Variants in VSNL1 observed in about 807,000 individuals in gnomAD.
The protein encoded by VSNL1 is visinin-like protein 1.
A neutral mutation model predicts 20.4 loss-of-function variants in VSNL1; 6 were observed. The observed-to-expected ratio is 0.29, with a 90% CI of 0.16 to 0.58. The LOEUF (loss-of-function observed/expected upper bound fraction) is 0.58. Among genes scored for constraint, VSNL1 ranks in the 20% least tolerant of loss-of-function variants. The pLI is 0.90. For missense variants in VSNL1, 100 were observed against 234.5 expected, an observed-to-expected ratio of 0.43 and a Z score of 3.75; for synonymous variants, 93 against 86.4, an observed-to-expected ratio of 1.08 and a Z score of -0.42.
rs1558303614 is a variant in VSNL1, at chr2:17,622,545, AAAGAAAGAAAGAAAGAAAG to A, written c.163-26862_163-26844del. 4.2e-3 allele frequency among the ~76,000 whole-genome samples: 271 copies of A among 64,988 alleles called. 4 individuals are homozygous for A. Among genetic ancestry groups the A allele is most frequent in the Middle Eastern group, 7.9e-3 (1 of 126 alleles). 42.6% of individuals were successfully genotyped at this position (64,988 alleles called of 152,430 possible). On this transcript the variant is annotated intron_variant, in intron 2 of 3. Transcript: ENST00000295156. The stretch of plus-strand genomic sequence containing the variant: ...AAAGAAAGAAAGAAAAGAAAGAAAG[AAAGAAAGAAAGAAAGAAAG>A]AAAGAAAGAAAGAAAGAAAGAAAGA...
At chr2:17,631,074 G>A (rs190710707) in intron 2 of VSNL1, among the ~76,000 whole-genome samples, 224 of 152,154 alleles carry the variant, frequency 1.5e-3, no homozygotes, top group African/African-American at 5.1e-3. Context: ...GCCACTGTGC[G>A]CAGCCCAAAA....
chr2:17,650,946 T>C (rs1666110461), intron 3 of VSNL1, among the ~76,000 whole-genome samples: 1 of 152,244 alleles, frequency 6.6e-6, no homozygotes, highest in East Asian at 1.9e-4. Flanking sequence ...ATTGAATATA[T>C]ATTTTTTCCA....
chr2:17,612,122 G>A (rs957692723), intron 2 of VSNL1, among the ~76,000 whole-genome samples: 4 of 152,216 alleles, frequency 2.6e-5, no homozygotes, highest in African/African-American at 9.6e-5. Flanking sequence ...TGAGAATGAG[G>A]AGAGGGATAG....
chr2:17,626,398 AGGAGTAG>A (rs1419068661), intron 2 of VSNL1, among the ~76,000 whole-genome samples: 4 of 152,208 alleles, frequency 2.6e-5, no homozygotes, highest in South Asian at 4.1e-4. Context: ...AAAAGGTGAC[AGGAGTAG>A]GGAGCATCTG....
At chr2:17,545,601 A>G (rs1023247864) in intron 1 of VSNL1, among the ~76,000 whole-genome samples, 5 of 152,104 alleles carry the variant, frequency 3.3e-5, no homozygotes, top group African/African-American at 1.2e-4. Flanking sequence ...TGCATTTCTC[A>G]TTTACAGTTT....
chr2:17,647,674 C>T (rs767409601), intron 2 of VSNL1, among the ~76,000 whole-genome samples: 6 of 152,310 alleles, frequency 3.9e-5, no homozygotes, highest in Middle Eastern at 6.8e-3. Flanking sequence ...CTTCCCTCTA[C>T]AACTCCCTCC....
At chr2:17,566,327 G>T (rs1350149277) in intron 1 of VSNL1, among the ~76,000 whole-genome samples, 1 of 152,000 alleles carries the variant, frequency 6.6e-6, no homozygotes, top group African/African-American at 2.4e-5. Flanking sequence ...CTGCCAAATT[G>T]TTCTCTACAG....
At chr2:17,555,122 A>T (rs1380133013) in intron 1 of VSNL1, among the ~76,000 whole-genome samples, 3 of 152,162 alleles carry the variant, frequency 2.0e-5, no homozygotes, top group African/African-American at 7.2e-5. Flanking sequence ...CAGAGTGTGA[A>T]ATTTGAATGT....
chr2:17,622,876 C>T (rs898194015), intron 2 of VSNL1, among the ~76,000 whole-genome samples: 3 of 152,218 alleles, frequency 2.0e-5, no homozygotes, highest in African/African-American at 7.2e-5. Flanking sequence ...CTGCAAACGG[C>T]GTGAACTTCC....
At chr2:17,600,569 T>C (rs971125880) in intron 2 of VSNL1, among the ~76,000 whole-genome samples, 6 of 152,216 alleles carry the variant, frequency 3.9e-5, no homozygotes, top group African/African-American at 1.4e-4. Flanking sequence ...CAAAAAAGAT[T>C]TGGGGATGAC....
intron 1 of VSNL1, among the ~76,000 whole-genome samples, chr2:17,579,361 C>T (rs183443240): frequency 1.9e-4 from 29 of 151,978 alleles, no homozygotes; most frequent in African/African-American, 6.8e-4. Flanking sequence ...GTGATCCGCC[C>T]GCCTCGGCCT....
intron 1 of VSNL1, chr2:17,545,856 G>A (rs1174797791): frequency 1.3e-5 from 2 of 152,090 alleles, no homozygotes; most frequent in Admixed American, 1.3e-4. Flanking sequence ...CTAACTTAAA[G>A]TATGCAGATT....
chr2:17,609,788 A>G (rs193037145), intron 2 of VSNL1, among the ~76,000 whole-genome samples: 78 of 152,338 alleles, frequency 5.1e-4, no homozygotes, highest in African/African-American at 1.8e-3. Flanking sequence ...GGTCCCACCA[A>G]TTGATCACTT....
At chr2:17,643,466 G>GGAC (rs1463478563) in intron 2 of VSNL1, among the ~76,000 whole-genome samples, 1 of 152,050 alleles carries the variant, frequency 6.6e-6, no homozygotes, top group African/African-American at 2.4e-5. Context: ...CCCTTCTACT[G>GGAC]GTCAGTGGGT....
chr2:17,565,812 C>T (rs1435456643), intron 1 of VSNL1, among the ~76,000 whole-genome samples: 1 of 152,192 alleles, frequency 6.6e-6, no homozygotes, highest in East Asian at 1.9e-4. Context: ...ATAATTCCCA[C>T]GTCATGGGAG....
chr2:17,638,460 C>T (rs1006842676), intron 2 of VSNL1, among the ~76,000 whole-genome samples: 2 of 152,194 alleles, frequency 1.3e-5, no homozygotes, highest in African/African-American at 4.8e-5. Flanking sequence ...GAGCCAACTC[C>T]CTCGTTGCAC....
intron 1 of VSNL1, among the ~76,000 whole-genome samples, chr2:17,580,238 T>C (rs1443098989): frequency 6.6e-6 from 1 of 151,842 alleles, no homozygotes; most frequent in African/African-American, 2.4e-5. Context: ...GGGTCTAGAG[T>C]TGTCCAGTGA....
intron 1 of VSNL1, among the ~76,000 whole-genome samples, chr2:17,546,862 A>G (rs559225759): frequency 6.6e-6 from 1 of 152,056 alleles, no homozygotes; most frequent in East Asian, 1.9e-4. Flanking sequence ...GAAGTTCAAG[A>G]GTTTCTGTAA....
At chr2:17,592,902 G>T (rs943192703) in intron 2 of VSNL1, among the ~76,000 whole-genome samples, 1 of 152,030 alleles carries the variant, frequency 6.6e-6, no homozygotes, top group South Asian at 2.1e-4. Context: ...GTTTTGGCTT[G>T]TCTGAGTCTA....
Sources: allele counts gnomAD v4.1 joint callset (sites outside exome capture counted in the v4.1 genomes callset), GRCh38; gene constraint gnomAD v4.1.1; transcripts MANE v1.5; gene names NCBI Gene and HGNC (gene_info 2026-07-23, HGNC 2026-07-21).